The following BMP5 variants were observed in gnomAD, a reference collection of about 807,000 sequenced individuals.
The protein encoded by BMP5 is bone morphogenetic protein 5.
In BMP5, 23 loss-of-function variants were observed where a neutral mutation model predicts 46.6. The ratio of observed to expected loss-of-function variants is 0.49; its 90% CI spans 0.35 to 0.70. The LOEUF (loss-of-function observed/expected upper bound fraction) is 0.70, where lower values mean the gene tolerates loss of function less well. Among genes scored for constraint, BMP5 ranks in the 30% least tolerant of loss-of-function variants. The pLI is 0.00. For missense variants in BMP5, 545 were observed against 565.6 expected, an observed-to-expected ratio of 0.96 and a Z score of 0.37; for synonymous variants, 204 against 191.9, an observed-to-expected ratio of 1.06 and a Z score of -0.52.
chr6:55,853,570 A>T (rs1409908833), intron 1 of BMP5, among the ~76,000 whole-genome samples: 1 of 152,234 alleles, frequency 6.6e-6, no homozygotes, highest in East Asian at 1.9e-4. Context: ...CCATGCCTCC[A>T]GCAATTCTAA....
At chr6:55,769,772 T>C (rs1775002632) in intron 4 of BMP5, among the ~76,000 whole-genome samples, 1 of 151,944 alleles carries the variant, frequency 6.6e-6, no homozygotes, top group Admixed American at 6.6e-5. Context: ...CTTTCATGCA[T>C]GGGCAGCAGA....
At chr6:55,868,873 G>C (rs1430972893) in intron 1 of BMP5, among the ~76,000 whole-genome samples, 1 of 152,184 alleles carries the variant, frequency 6.6e-6, no homozygotes, top group African/African-American at 2.4e-5. Context: ...TGACTAGTGT[G>C]TTTTAAAGGA....
At chr6:55,854,069 T>C (rs1306436876) in intron 1 of BMP5, among the ~76,000 whole-genome samples, 1 of 152,134 alleles carries the variant, frequency 6.6e-6, no homozygotes, top group African/African-American at 2.4e-5. Flanking sequence ...AAAGAAACAA[T>C]GACAGACTGC....
rs770622652 is a variant in BMP5, at chr6:55,874,475, G to C, written c.391C>G (p.Arg131Gly). The stretch of plus-strand genomic sequence containing the variant: ...CTCTGGGTGGTCAGAGGAGTCGTCC[G>C]AGATAACTGTATGCGACGAGGATAC... ...NGYPRRIQLS[R>G]TTPLTTQSPP... Residue 131 changes from arginine to glycine, a missense_variant, in exon 1 of 7, where the codon CGG (arginine) becomes GGG (glycine). Physicochemically the swap from Arg to Gly is moderately radical, Grantham distance 125. Transcript: ENST00000370830. 1.9e-6 allele frequency: 3 copies of C among 1,613,270 alleles called. No homozygotes were observed. In the East Asian group the frequency reaches 6.7e-5, roughly 36 times the overall value.
intron 6 of BMP5, among the ~76,000 whole-genome samples, chr6:55,756,468 G>A (rs1003521792): frequency 6.6e-6 from 1 of 151,952 alleles, no homozygotes; most frequent in Non-Finnish European, 1.5e-5. Context: ...ATTTTGATCA[G>A]ACTGGCAGTC....
intron 1 of BMP5, among the ~76,000 whole-genome samples, chr6:55,871,951 T>C (rs1325213954): frequency 6.6e-6 from 1 of 151,808 alleles, no homozygotes; most frequent in Non-Finnish European, 1.5e-5. Flanking sequence ...TAAAATCTAA[T>C]CCTTTTTAGT....
intron 1 of BMP5, among the ~76,000 whole-genome samples, chr6:55,862,763 T>C (rs1010299768): frequency 7.2e-5 from 11 of 152,098 alleles, no homozygotes; most frequent in African/African-American, 2.4e-4. Flanking sequence ...ACTAATAATT[T>C]CCCAGAGCTA....
At chr6:55,805,177 A>C (rs981049003) in intron 2 of BMP5, among the ~76,000 whole-genome samples, 13 of 152,156 alleles carry the variant, frequency 8.5e-5, no homozygotes, top group Non-Finnish European at 1.5e-5. Context: ...ATATAATTGA[A>C]CATTTCTCAT....
In BMP5 at chr6:55,780,330, C is replaced by A. The variant is rs537045296; in HGVS notation, c.833-6087G>T. 3.5e-4 allele frequency among the ~76,000 whole-genome samples: 53 copies of A among 151,082 alleles called. 2 individuals carry two copies. In the South Asian group the frequency reaches 0.01, roughly 30 times the overall value. ...TTGAGAGTTTTCTGTGGATAAGAAA[C>A]GTGCTTATGGCCAGGAATGGTGGCT... On this transcript the variant is annotated intron_variant, in intron 3 of 6. Transcript: ENST00000370830.
At chr6:55,860,027 G>C (rs1227377438) in intron 1 of BMP5, among the ~76,000 whole-genome samples, 1 of 152,180 alleles carries the variant, frequency 6.6e-6, no homozygotes, top group Non-Finnish European at 1.5e-5. Flanking sequence ...TATAATCCCA[G>C]CACTTTGGGA....
intron 2 of BMP5, among the ~76,000 whole-genome samples, chr6:55,804,797 G>A (rs373093399): frequency 5.8e-4 from 88 of 152,256 alleles, no homozygotes; most frequent in African/African-American, 2.1e-3. Flanking sequence ...AAATACTGTG[G>A]AGTTTGGGGA....
chr6:55,780,742 G>A (rs533153526), intron 3 of BMP5, among the ~76,000 whole-genome samples: 49 of 152,114 alleles, frequency 3.2e-4, no homozygotes, highest in Middle Eastern at 6.8e-3. Flanking sequence ...TCATGCAGGG[G>A]GAGAAACACA....
intron 4 of BMP5, among the ~76,000 whole-genome samples, chr6:55,771,838 C>A (rs1055661988): frequency 2.0e-5 from 3 of 151,900 alleles, no homozygotes; most frequent in Admixed American, 6.6e-5. Context: ...TGCACAATAT[C>A]TTATTGTAAA....
At position 55,758,970 on chromosome 6, in the gene BMP5, T is replaced by C. The variant is rs370552267; in HGVS notation, c.1215+35A>G. ...ACAACTTTATAATATGCTTGCATTC[T>C]AAGCTTTTCTTAATCCTTCAAAAAC... On this transcript the variant is annotated intron_variant, in intron 6 of 6. Coordinates refer to ENST00000370830, the MANE Select transcript of BMP5 (RefSeq NM_021073.4). 9 of 1,384,448 alleles carry C rather than the reference T, an allele frequency of 6.5e-6. No individual in the cohort carries two copies. The Admixed American group carries it at 1.5e-4, about 23-fold the overall frequency. The allele number at this position is 1,384,448 out of a possible 1,614,324, so 85.8% of individuals were successfully genotyped here.
At chr6:55,832,569 T>A (rs916857387) in intron 1 of BMP5, among the ~76,000 whole-genome samples, 1 of 152,226 alleles carries the variant, frequency 6.6e-6, no homozygotes, top group African/African-American at 2.4e-5. Flanking sequence ...CATGTACTTA[T>A]ATGTGAAATA....
At chr6:55,789,032 G>A (rs1775515171) in intron 3 of BMP5, among the ~76,000 whole-genome samples, 1 of 151,582 alleles carries the variant, frequency 6.6e-6, no homozygotes, top group African/African-American at 2.4e-5. Context: ...TTACCTTGAT[G>A]TGGTTGAAAA....
intron 1 of BMP5, among the ~76,000 whole-genome samples, chr6:55,831,655 AT>A (rs1776667215): frequency 6.6e-6 from 1 of 151,954 alleles, no homozygotes; most frequent in African/African-American, 2.4e-5. Context: ...TAAAAAAAAA[AT>A]GTCCAGAATC....
rs1277334890 is a variant in BMP5, at chr6:55,803,951, T to A, written c.684-9524A>T. 4.6e-5 allele frequency among the ~76,000 whole-genome samples: 7 copies of A among 152,308 alleles called. No homozygotes were observed. The East Asian group carries it at 1.2e-3, about 25-fold the overall frequency. On this transcript the variant is annotated intron_variant, in intron 2 of 6. Transcript: ENST00000370830. ...CTATGGGAAGCTAACTTTAGACCCA[T>A]CACAAGATAGAGAAGCAACAGCCTT...
intron 1 of BMP5, among the ~76,000 whole-genome samples, chr6:55,835,479 T>G (rs1005139153): frequency 6.6e-6 from 1 of 152,206 alleles, no homozygotes; most frequent in Admixed American, 6.5e-5. Flanking sequence ...CAACTCAAAC[T>G]GCAAATCTAG....
Sources: allele counts gnomAD v4.1 joint callset (sites outside exome capture counted in the v4.1 genomes callset), GRCh38; gene constraint gnomAD v4.1.1; transcripts MANE v1.5; gene names NCBI Gene and HGNC (gene_info 2026-07-23, HGNC 2026-07-21).